FTCDNL1: variants seen among roughly 807,000 people sequenced by gnomAD.
The protein encoded by FTCDNL1 is formiminotransferase N-terminal subdomain-containing protein.
A neutral mutation model predicts 5.9 loss-of-function variants in FTCDNL1; 11 were observed. That is an observed-to-expected ratio of 1.87 (90% CI 1.18 to 3.10). The LOEUF (loss-of-function observed/expected upper bound fraction) is 3.10. Ranked by LOEUF, FTCDNL1 falls within the 30% of genes most tolerant of loss-of-function variation. The pLI is 0.00. For missense variants in FTCDNL1, 115 were observed against 65.5 expected (o/e 1.76, Z -2.61); for synonymous variants, 58 against 24.8 (o/e 2.34, Z -3.99).
chr2:199,692,619 G>A, the FTCDNL1 span, among the ~76,000 whole-genome samples: 2 of 152,128 alleles, frequency 1.3e-5, no homozygotes, highest in Non-Finnish European at 2.9e-5. Context: ...GGGGCTTCAT[G>A]GTCTGCAAGC....
At chr2:199,787,331 C>T (rs1287882607) in intron 3 of FTCDNL1, among the ~76,000 whole-genome samples, 1 of 151,986 alleles carries the variant, frequency 6.6e-6, no homozygotes, top group Non-Finnish European at 1.5e-5. Context: ...AACAGGCGCA[C>T]ACTACCACGC....
intron 3 of FTCDNL1, among the ~76,000 whole-genome samples, chr2:199,821,072 A>G (rs536651461): frequency 6.6e-6 from 1 of 152,328 alleles, no homozygotes; most frequent in Non-Finnish European, 1.5e-5. Flanking sequence ...AGGAAATGAA[A>G]TGCAGAAGAC....
downstream of FTCDNL1, among the ~76,000 whole-genome samples, chr2:199,756,085 A>C (rs1285000876): frequency 6.6e-6 from 1 of 152,232 alleles, no homozygotes; most frequent in African/African-American, 2.4e-5. Context: ...TGACTAAAAG[A>C]AAAGTCTTAT....
At chr2:199,670,355 A>T in the FTCDNL1 span, among the ~76,000 whole-genome samples, 2 of 152,196 alleles carry the variant, frequency 1.3e-5, no homozygotes, top group Non-Finnish European at 2.9e-5. Context: ...CAGTAGGTGC[A>T]TTTACCTGCT....
chr2:199,769,610 A>C (rs1298657961), intron 3 of FTCDNL1, among the ~76,000 whole-genome samples: 1 of 152,128 alleles, frequency 6.6e-6, no homozygotes, highest in Non-Finnish European at 1.5e-5. Context: ...ATATTTGGGC[A>C]TTTTTTTCCC....
intron 3 of FTCDNL1, among the ~76,000 whole-genome samples, chr2:199,842,895 T>C (rs1415289805): frequency 6.7e-6 from 1 of 149,660 alleles, no homozygotes; most frequent in African/African-American, 2.5e-5. Context: ...GATCCTAGAA[T>C]GCGAATACTT....
intron 3 of FTCDNL1, among the ~76,000 whole-genome samples, chr2:199,830,364 C>T (rs983035673): frequency 3.3e-5 from 5 of 152,060 alleles, no homozygotes; most frequent in Non-Finnish European, 7.4e-5. Flanking sequence ...TGCTGCACTG[C>T]CTCTAATTAA....
At chr2:199,735,720 G>A in the FTCDNL1 span, among the ~76,000 whole-genome samples, 2 of 152,168 alleles carry the variant, frequency 1.3e-5, no homozygotes, top group Non-Finnish European at 2.9e-5. Flanking sequence ...CGCCATAGCT[G>A]TGTTCTTCTC....
the FTCDNL1 span, among the ~76,000 whole-genome samples, chr2:199,709,211 G>A: frequency 6.6e-6 from 1 of 152,062 alleles, no homozygotes; most frequent in African/African-American, 2.4e-5. Context: ...AAAATCTATT[G>A]GCTGGGCAGT....
the FTCDNL1 span, among the ~76,000 whole-genome samples, chr2:199,720,689 A>C: frequency 6.6e-6 from 1 of 152,176 alleles, no homozygotes; most frequent in Non-Finnish European, 1.5e-5. Flanking sequence ...TTAGGGCCCA[A>C]CATAATCCAG....
At chr2:199,710,853 G>A in the FTCDNL1 span, among the ~76,000 whole-genome samples, 2 of 152,086 alleles carry the variant, frequency 1.3e-5, no homozygotes, top group Non-Finnish European at 2.9e-5. Context: ...CTTTGCTTTA[G>A]TGCAAACCAT....
At chr2:199,840,542 G>A (rs2076555122) in intron 3 of FTCDNL1, among the ~76,000 whole-genome samples, 1 of 152,020 alleles carries the variant, frequency 6.6e-6, no homozygotes, top group African/African-American at 2.4e-5. Flanking sequence ...ATATTCCACA[G>A]TGAGAAGTCA....
At chr2:199,783,068 A>C (rs982638132) in intron 3 of FTCDNL1, among the ~76,000 whole-genome samples, 2 of 152,222 alleles carry the variant, frequency 1.3e-5, no homozygotes, top group Non-Finnish European at 2.9e-5. Flanking sequence ...CTTGCTATTC[A>C]TGATGATAAT....
chr2:199,701,072 A>T, the FTCDNL1 span, among the ~76,000 whole-genome samples: 1 of 152,158 alleles, frequency 6.6e-6, no homozygotes, highest in Non-Finnish European at 1.5e-5. Flanking sequence ...CTAACATCAG[A>T]ATCATGTGAA....
chr2:199,829,111 A>T (rs1702209327), intron 3 of FTCDNL1, among the ~76,000 whole-genome samples: 1 of 152,202 alleles, frequency 6.6e-6, no homozygotes, highest in Non-Finnish European at 1.5e-5. Context: ...ACATAAGGCC[A>T]TCATGCAGTT....
At chr2:199,679,961 AT>A in the FTCDNL1 span, among the ~76,000 whole-genome samples, 1 of 152,160 alleles carries the variant, frequency 6.6e-6, no homozygotes, top group African/African-American at 2.4e-5. Flanking sequence ...AATTATTTTA[AT>A]TTAAATATAT....
intron 3 of FTCDNL1, among the ~76,000 whole-genome samples, chr2:199,793,328 T>C (rs6710237): frequency 0.46 from 70,608 of 151,864 alleles, 18,168 homozygotes; most frequent in Non-Finnish European, 0.56. Flanking sequence ...AGAAACCCTC[T>C]GAGAGTTAGT....
chr2:199,836,957 G>T (rs1421339132), intron 3 of FTCDNL1, among the ~76,000 whole-genome samples: 1 of 152,166 alleles, frequency 6.6e-6, no homozygotes, highest in Non-Finnish European at 1.5e-5. Context: ...GGGTTAACTT[G>T]CTTGCTCACT....
the FTCDNL1 span, among the ~76,000 whole-genome samples, chr2:199,734,461 G>A: frequency 6.6e-6 from 1 of 152,098 alleles, no homozygotes; most frequent in African/African-American, 2.4e-5. Context: ...TTTTATTGTA[G>A]GCAGGATATT....
Sources: allele counts gnomAD v4.1 joint callset (sites outside exome capture counted in the v4.1 genomes callset), GRCh38; gene constraint gnomAD v4.1.1; transcripts MANE v1.5; gene names NCBI Gene and HGNC (gene_info 2026-07-23, HGNC 2026-07-21).